Variants in WDFY2 observed in about 807,000 individuals in gnomAD.
The protein encoded by WDFY2 is WD repeat and FYVE domain-containing protein 2.
Under a neutral mutation model 56.4 loss-of-function variants are expected in WDFY2, and 36 were observed. The observed-to-expected ratio is 0.64, with a 90% CI of 0.49 to 0.84. The LOEUF is 0.84. WDFY2 is among the 40% of genes least tolerant of loss of function. The pLI, the probability that WDFY2 is intolerant of heterozygous loss-of-function variation, is 0.00. For synonymous variants in WDFY2, 176 were observed against 183.7 expected, an observed-to-expected ratio of 0.96 and a Z score of 0.34; for missense variants, 444 against 512.2, an observed-to-expected ratio of 0.87 and a Z score of 1.29.
intron 1 of WDFY2, among the ~76,000 whole-genome samples, chr13:51,654,306 C>T (rs933412033): frequency 6.6e-6 from 1 of 152,190 alleles, no homozygotes; most frequent in Non-Finnish European, 1.5e-5. Flanking sequence ...ATCTTTCACC[C>T]CTTTCCTTGG....
At chr13:51,632,267 G>A (rs536118140) in intron 1 of WDFY2, among the ~76,000 whole-genome samples, 1 of 151,936 alleles carries the variant, frequency 6.6e-6, no homozygotes, top group African/African-American at 2.4e-5. Flanking sequence ...CCTAGGATGA[G>A]CATGGTTCTT....
At chr13:51,742,387 G>A (rs941807332) in intron 7 of WDFY2, among the ~76,000 whole-genome samples, 6 of 151,972 alleles carry the variant, frequency 3.9e-5, no homozygotes, top group African/African-American at 1.4e-4. Flanking sequence ...TTTATTCCCT[G>A]TAGCAAGTGG....
At chr13:51,727,359 C>T (rs1458093191) in intron 5 of WDFY2, among the ~76,000 whole-genome samples, 6 of 152,104 alleles carry the variant, frequency 3.9e-5, no homozygotes. Context: ...TCAGAGTATT[C>T]TTGGCTCTTT....
intron 5 of WDFY2, among the ~76,000 whole-genome samples, chr13:51,723,044 T>G (rs1297427468): frequency 6.6e-6 from 1 of 152,194 alleles, no homozygotes; most frequent in East Asian, 1.9e-4. Context: ...TCTCTTAGAT[T>G]TATTTCTGTT....
chr13:51,756,601 C>G (rs940219500), intron 10 of WDFY2, 139 bp downstream of exon 10: 19 of 1,381,988 alleles, frequency 1.4e-5, no homozygotes, highest in Middle Eastern at 2.7e-4. Flanking sequence ...GCAGTAAAAG[C>G]TCTCCTTTGC....
rs543228876 is a variant in WDFY2 at position 51,699,309 on chromosome 13, C to T, written c.280-4287C>T. ...CCATCCCTTCCTTCAGTGGATTTTT[C>T]CAAAACCTGGTGTTTCACTTCTGTC... On this transcript the variant is annotated intron_variant, in intron 3 of 11. Coordinates refer to ENST00000298125, the MANE Select transcript of WDFY2 (RefSeq NM_052950.4). Among the ~76,000 whole-genome samples, 243 of 152,268 alleles carry T rather than the reference C, an allele frequency of 1.6e-3. 9 individuals are homozygous for T. The highest frequency in any genetic ancestry group is 0.016 in the Admixed American group (237 of 15,290).
intron 3 of WDFY2, among the ~76,000 whole-genome samples, chr13:51,688,392 T>G (rs2138535820): frequency 6.6e-6 from 1 of 152,294 alleles, no homozygotes; most frequent in Non-Finnish European, 1.5e-5. Context: ...TGAAATACTC[T>G]CCTGAGTTTT....
At chr13:51,712,191 G>C (rs913919397) in intron 4 of WDFY2, among the ~76,000 whole-genome samples, 2 of 152,150 alleles carry the variant, frequency 1.3e-5, no homozygotes, top group African/African-American at 2.4e-5. Context: ...GCAAACTATT[G>C]CAAGGACAGA....
chr13:51,687,969 G>T (rs974189883), intron 3 of WDFY2, among the ~76,000 whole-genome samples: 2 of 152,122 alleles, frequency 1.3e-5, no homozygotes, highest in African/African-American at 4.8e-5. Context: ...ATGGGGATGC[G>T]CAGGTCACTG....
chr13:51,715,665 C>A (rs946797830), intron 4 of WDFY2, among the ~76,000 whole-genome samples: 1 of 152,112 alleles, frequency 6.6e-6, no homozygotes, highest in Non-Finnish European at 1.5e-5. Context: ...ATTTTAAAAG[C>A]ATAGTATAGT....
intron 3 of WDFY2, among the ~76,000 whole-genome samples, chr13:51,701,664 T>C (rs909540281): frequency 6.6e-6 from 1 of 152,178 alleles, no homozygotes; most frequent in African/African-American, 2.4e-5. Context: ...TTATTTTTAA[T>C]GTATATATTA....
intron 3 of WDFY2, among the ~76,000 whole-genome samples, chr13:51,694,445 T>C (rs1319108478): frequency 6.6e-5 from 10 of 152,044 alleles, no homozygotes; most frequent in East Asian, 1.9e-4. Context: ...ACTTATGAAG[T>C]TTAGTTTGGC....
At chr13:51,675,381 G>C in intron 3 of WDFY2, 138 bp downstream of exon 3, 1 of 733,344 alleles carries the variant, frequency 1.4e-6, no homozygotes, top group Non-Finnish European at 2.2e-6. Flanking sequence ...AGCAAATTAT[G>C]GCGAGGTAAG....
chr13:51,694,957 C>T (rs570072268), intron 3 of WDFY2, among the ~76,000 whole-genome samples: 1 of 152,206 alleles, frequency 6.6e-6, no homozygotes, highest in Non-Finnish European at 1.5e-5. Context: ...GATACCCTTT[C>T]TTCCAGTTGA....
At chr13:51,608,129 GAC>G (rs1267896597) in intron 1 of WDFY2, among the ~76,000 whole-genome samples, 1 of 152,164 alleles carries the variant, frequency 6.6e-6, no homozygotes, top group Non-Finnish European at 1.5e-5. Context: ...TTGGACTTCT[GAC>G]CTTCAGAACT....
At chr13:51,737,789 G>A (rs1473971032) in intron 6 of WDFY2, among the ~76,000 whole-genome samples, 1 of 152,158 alleles carries the variant, frequency 6.6e-6, no homozygotes, top group Non-Finnish European at 1.5e-5. Context: ...TGTGGGGAAT[G>A]TTGGTGGTCG....
chr13:51,612,982 G>T (rs933656996), intron 1 of WDFY2, among the ~76,000 whole-genome samples: 1 of 152,080 alleles, frequency 6.6e-6, no homozygotes, highest in East Asian at 1.9e-4. Context: ...TGGTGGGGGA[G>T]GGTTAGGTGT....
At chr13:51,689,871 T>A (rs540378909) in intron 3 of WDFY2, among the ~76,000 whole-genome samples, 1 of 152,296 alleles carries the variant, frequency 6.6e-6, no homozygotes, top group East Asian at 1.9e-4. Context: ...ACCAGTAGTT[T>A]TCAAACTGTG....
intron 1 of WDFY2, chr13:51,590,227 T>C (rs1954018010): frequency 6.6e-6 from 1 of 152,220 alleles, no homozygotes; most frequent in Non-Finnish European, 1.5e-5. Flanking sequence ...AATTTTTAAA[T>C]CTTGAAATCC....
Sources: allele counts gnomAD v4.1 joint callset (sites outside exome capture counted in the v4.1 genomes callset), GRCh38; gene constraint gnomAD v4.1.1; transcripts MANE v1.5; gene names NCBI Gene and HGNC (gene_info 2026-07-23, HGNC 2026-07-21).